Variants in MAP6D1 observed in about 807,000 individuals in gnomAD.
MAP6D1 encodes MAP6 domain containing 1.
A neutral mutation model predicts 17.4 loss-of-function variants in MAP6D1; 13 were observed. That is an observed-to-expected ratio of 0.75 (90% CI 0.49 to 1.19). The LOEUF is 1.19. Ranked by LOEUF, MAP6D1 falls within the 50% of genes most tolerant of loss-of-function variation. MAP6D1 has a pLI of 0.00. For missense variants in MAP6D1, 313 were observed against 312.6 expected (o/e 1.00, Z -0.01); for synonymous variants, 141 against 145.7 (o/e 0.97, Z 0.23).
intron 1 of MAP6D1, among the ~76,000 whole-genome samples, chr3:183,824,528 G>T (rs888364163): frequency 6.6e-6 from 1 of 152,226 alleles, no homozygotes; most frequent in Non-Finnish European, 1.5e-5. Context: ...TACGTATTTT[G>T]TTGTAATTTC....
Position 183,823,880 on chromosome 3 carries a change from C to G in MAP6D1, c.401+1267G>C, listed in dbSNP as rs574121182. 1.4e-4 allele frequency among the ~76,000 whole-genome samples: 21 copies of G among 152,300 alleles called. No individual in the cohort carries two copies. In the South Asian group the frequency reaches 2.9e-3, roughly 21 times the overall value. ...CAAAAGAGCAGAGTGAAAAGCCTTC[C>G]ACCCCTGGCAGTCCCTATCAAGTTC... On this transcript the variant is annotated intron_variant, in intron 1 of 2. Transcript: ENST00000318631.
chr3:183,821,541 CTTTTTTTTTT>C (rs59131602), intron 1 of MAP6D1, among the ~76,000 whole-genome samples: 4 of 98,124 alleles, frequency 4.1e-5, no homozygotes, highest in African/African-American at 1.2e-4. Context: ...TGAGGGATTG[CTTTTTTTTTT>C]TTTTTTTTTT....
chr3:183,825,314 C>A lies in MAP6D1; in HGVS notation c.234G>T (p.Thr78=), dbSNP rs1727362758. The A allele has an allele frequency of 7.4e-7, 1 of 1,354,168 alleles. No homozygotes were observed. Among genetic ancestry groups the A allele is most frequent in the Non-Finnish European group, 9.5e-7 (1 of 1,055,160 alleles). 83.9% of individuals were successfully genotyped at this position (1,354,168 alleles called of 1,614,324 possible). Residue 78 remains threonine, a synonymous_variant, in exon 1 of 3, where the codon ACG becomes ACT. Coordinates refer to ENST00000318631, the MANE Select transcript of MAP6D1 (RefSeq NM_024871.4). ...QYQRDFGLWT[T]PAGPKDPPPG... is the part of the protein sequence containing the mutation. ...GCGGCGGATCCTTGGGCCCGGCGGGCGTGGTCCACAAGCCGAAGTCCCGCT... is the reference window on the plus strand; with the variant it reads ...GCGGCGGATCCTTGGGCCCGGCGGGAGTGGTCCACAAGCCGAAGTCCCGCT...
intron 1 of MAP6D1, among the ~76,000 whole-genome samples, chr3:183,819,407 C>A (rs563049274): frequency 6.6e-6 from 1 of 152,218 alleles, no homozygotes; most frequent in African/African-American, 2.4e-5. Flanking sequence ...CACATGCCCA[C>A]GCTGAGCCTT....
intron 2 of MAP6D1, 69 bp downstream of exon 2, chr3:183,817,925 G>T: frequency 1.7e-6 from 2 of 1,196,352 alleles, no homozygotes; most frequent in Non-Finnish European, 2.5e-6. Context: ...TGAAAATCTG[G>T]CTCCTAATCC....
Position 183,819,161 on chromosome 3 carries a change from T to C in MAP6D1, c.402-1050A>G, listed in dbSNP as rs115015500. Reference sequence around the variant, plus strand: ...CCTGAGGTCAACAAAGCTGCCTTTCTCCTTGGCAGCTGCAAAGCTGGGGCA... The same window carrying C: ...CCTGAGGTCAACAAAGCTGCCTTTCCCCTTGGCAGCTGCAAAGCTGGGGCA... On this transcript the variant is annotated intron_variant, in intron 1 of 2. Coordinates refer to ENST00000318631, the MANE Select transcript of MAP6D1 (RefSeq NM_024871.4). Among the ~76,000 whole-genome samples the C allele has an allele frequency of 2.3e-3, 343 of 152,318 alleles. 1 individual carries two copies. Among genetic ancestry groups the C allele is most frequent in the African/African-American group, 7.9e-3 (328 of 41,578 alleles).
chr3:183,825,540 C>T lies in MAP6D1; in HGVS notation c.8G>A (p.Trp3Ter), dbSNP rs771395990. The T allele has an allele frequency of 1.5e-5, 19 of 1,246,824 alleles. No homozygotes were observed. Among genetic ancestry groups the T allele is most frequent in the Non-Finnish European group, 6.0e-6 (6 of 997,216 alleles). The allele number at this position is 1,246,824 out of a possible 1,614,324, so 77.2% of individuals were successfully genotyped here. ...GCAGCACAGGCGGCTGATACAGGGC[C>T]ACGCCATGCCAGCCCCGGCGCCCGC... MA[W>*]PCISRLCCLA... The change falls in exon 1 of 3, where the codon TGG becomes TAG. Residue 3 changes from tryptophan to a stop codon, truncating the protein, a stop_gained. Coordinates refer to ENST00000318631, the MANE Select transcript of MAP6D1 (RefSeq NM_024871.4). LOFTEE classifies it high-confidence loss of function.
In MAP6D1 at chr3:183,820,670, C is replaced by T. The variant is rs574505249; in HGVS notation, c.402-2559G>A. ...ATCCCAGCACTTCAGGAGGCTGGGG[C>T]GGGCGGATCACGAGATCAGGAGATC... On this transcript the variant is annotated intron_variant, in intron 1 of 2. Transcript: ENST00000318631. 1.6e-4 allele frequency among the ~76,000 whole-genome samples: 25 copies of T among 151,980 alleles called. No homozygotes were observed. In the East Asian group the frequency reaches 3.3e-3, roughly 20 times the overall value.
chr3:183,825,238 A>C lies in MAP6D1; in HGVS notation c.310T>G (p.Ser104Ala), dbSNP rs1266032541. 1 of 1,399,440 alleles carries C rather than the reference A, an allele frequency of 7.1e-7. No homozygotes were observed. Among genetic ancestry groups the C allele is most frequent in the Admixed American group, 3.4e-5 (1 of 29,554 alleles). 86.7% of individuals were successfully genotyped at this position (1,399,440 alleles called of 1,614,324 possible). ...GGRRGKSSAQSSAPPAPGARG... is the reference protein window; with the variant it reads ...GGRRGKSSAQASAPPAPGARG... Reference sequence around the variant, plus strand: ...GCGCCGGGCGCAGGTGGCGCGGAGGACTGCGCGGAGGATTTGCCCCTGCGG... The same window carrying C: ...GCGCCGGGCGCAGGTGGCGCGGAGGCCTGCGCGGAGGATTTGCCCCTGCGG... The change falls in exon 1 of 3, where the codon TCC becomes GCC. Residue 104 changes from serine (S) to alanine (A), a missense_variant. Coordinates refer to ENST00000318631, the MANE Select transcript of MAP6D1 (RefSeq NM_024871.4).
chr3:183,823,349 C>T (rs923543759), intron 1 of MAP6D1, among the ~76,000 whole-genome samples: 1 of 151,870 alleles, frequency 6.6e-6, no homozygotes, highest in Non-Finnish European at 1.5e-5. Context: ...TGCCTGTAAT[C>T]CCAGCACTTT....
In MAP6D1 at chr3:183,817,985, C is replaced by T; in HGVS notation, c.519+9G>A. 6.2e-7 allele frequency: 1 copy of T among 1,609,490 alleles called. No homozygotes were observed. Among genetic ancestry groups the T allele is most frequent in the Non-Finnish European group, 8.5e-7 (1 of 1,175,780 alleles). ...ACCCACACCCCTGCTACACCAGCTT[C>T]CGGCTGACCTGGAAGCCGGCCCCAG... is the stretch of plus-strand genomic sequence containing the variant. On this transcript the variant is annotated intron_variant, in intron 2 of 2. Coordinates refer to ENST00000318631, the MANE Select transcript of MAP6D1 (RefSeq NM_024871.4).
chr3:183,824,586 G>T (rs771616559), intron 1 of MAP6D1, among the ~76,000 whole-genome samples: 3 of 152,166 alleles, frequency 2.0e-5, no homozygotes, highest in Admixed American at 2.0e-4. Context: ...GTGGTAAGAG[G>T]AAAAAAGGGA....
intron 1 of MAP6D1, among the ~76,000 whole-genome samples, chr3:183,824,919 C>T: frequency 6.6e-6 from 1 of 152,236 alleles, no homozygotes; most frequent in East Asian, 1.9e-4. Context: ...GCTCCCGGCA[C>T]GGGGGTGCTC....
chr3:183,825,218 G>A lies in MAP6D1; in HGVS notation c.330C>T (p.Pro110=), dbSNP rs1401243553. The A allele has an allele frequency of 4.9e-6, 7 of 1,430,748 alleles. No individual in the cohort carries two copies. Among genetic ancestry groups the A allele is most frequent in the Non-Finnish European group, 5.5e-6 (6 of 1,090,592 alleles). The allele number at this position is 1,430,748 out of a possible 1,614,324, so 88.6% of individuals were successfully genotyped here. The change falls in exon 1 of 3, where the codon CCC becomes CCT. Residue 110 remains proline, a synonymous_variant. Coordinates refer to ENST00000318631, the MANE Select transcript of MAP6D1 (RefSeq NM_024871.4). ...SSAQSSAPPA[P]GARGVYVLPI... ...GCAGCACGTAGACCCCGCGGGCGCCGGGCGCAGGTGGCGCGGAGGACTGCG... is the reference window on the plus strand; with the variant it reads ...GCAGCACGTAGACCCCGCGGGCGCCAGGCGCAGGTGGCGCGGAGGACTGCG...
chr3:183,817,542 TC>T (rs1727146511), intron 2 of MAP6D1, 106 bp from the exon 3 acceptor site: 1 of 1,029,744 alleles, frequency 9.7e-7, no homozygotes, highest in East Asian at 2.6e-5. Flanking sequence ...CTCTGCATCC[TC>T]CAGGAGTTGA....
At chr3:183,820,787 G>A (rs1229282094) in intron 1 of MAP6D1, among the ~76,000 whole-genome samples, 3 of 152,148 alleles carry the variant, frequency 2.0e-5, no homozygotes, top group Non-Finnish European at 2.9e-5. Flanking sequence ...GGCGCCTGTA[G>A]TCCCAGCTAC....
intron 1 of MAP6D1, among the ~76,000 whole-genome samples, chr3:183,818,926 T>C (rs1330206175): frequency 1.3e-5 from 2 of 152,152 alleles, no homozygotes; most frequent in Non-Finnish European, 2.9e-5. Flanking sequence ...GCTTTCTCCA[T>C]GAAAAGACAG....
At chr3:183,817,606 A>T (rs1316445291) in intron 2 of MAP6D1, among the ~76,000 whole-genome samples, 170 bp from the exon 3 acceptor site, 3 of 152,126 alleles carry the variant, frequency 2.0e-5, no homozygotes, top group African/African-American at 7.2e-5. Context: ...GCGTCACTGC[A>T]TTAGCAGCTG....
intron 1 of MAP6D1, among the ~76,000 whole-genome samples, chr3:183,822,980 G>A (rs75189999): frequency 6.6e-6 from 1 of 152,220 alleles, no homozygotes; most frequent in Non-Finnish European, 1.5e-5. Context: ...CTTTACTAGG[G>A]ATGTTCTAGC....
Sources: gnomAD v4.1 joint callset for allele counts (sites outside exome capture counted in the v4.1 genomes callset) on GRCh38, gnomAD v4.1.1 for gene constraint, MANE v1.5 for transcripts, NCBI Gene and HGNC (gene_info 2026-07-23, HGNC 2026-07-21) for gene names.